Variants in WWC2 observed in about 807,000 individuals in gnomAD.
WWC2 encodes the protein WW and C2 domain containing 2, also known as protein WWC2.
A neutral mutation model predicts 138.5 loss-of-function variants in WWC2; 101 were observed. The observed-to-expected ratio is 0.73, with a 90% confidence interval of 0.62 to 0.86. The LOEUF is 0.86. Among genes scored for constraint, WWC2 ranks in the 40% least tolerant of loss-of-function variants. The pLI, the probability that WWC2 is intolerant of heterozygous loss-of-function variation, is 0.00. For missense variants in WWC2, 1,420 were observed against 1,419.4 expected, an observed-to-expected ratio of 1.00 and a Z score of -0.01; for synonymous variants, 558 against 538.4, an observed-to-expected ratio of 1.04 and a Z score of -0.50.
intron 1 of WWC2, among the ~76,000 whole-genome samples, chr4:183,167,969 C>T (rs1734170648): frequency 6.6e-6 from 1 of 151,392 alleles, no homozygotes; most frequent in South Asian, 2.1e-4. Flanking sequence ...GATTCTCCTG[C>T]CTCAGCCTCC....
rs1278383432 is a variant in WWC2, at chr4:183,260,801, A to G, written c.1287-109A>G. The G allele has an allele frequency of 5.6e-6, 8 of 1,416,076 alleles. No individual in the cohort carries two copies. In the East Asian group the frequency reaches 1.7e-4, roughly 30 times the overall value. 87.7% of individuals were successfully genotyped at this position (1,416,076 alleles called of 1,614,324 possible). A position where few individuals can be genotyped will look rare whatever the true frequency, so the allele number is the denominator to read the frequency against. On this transcript the variant is annotated intron_variant, in intron 10 of 22. Transcript: ENST00000403733. ...TCCTCTGTCCCTGGCCATTGATTCC[A>G]TTCTTTAGCAGGTTTCTTCCCTCTG...
intron 21 of WWC2, among the ~76,000 whole-genome samples, chr4:183,306,880 G>GGAAAAAAAAAA (rs1739038205): frequency 3.6e-5 from 1 of 27,572 alleles, no homozygotes; most frequent in African/African-American, 1.1e-4. Context: ...TATATATGAG[G>GGAAAAAAAAAA]CAAAAAAAAA....
intron 1 of WWC2, among the ~76,000 whole-genome samples, chr4:183,113,322 T>C (rs1222639269): frequency 6.6e-6 from 1 of 151,756 alleles, no homozygotes; most frequent in East Asian, 2.0e-4. Context: ...AGTATTAGGT[T>C]GGTGCAAAAG....
intron 21 of WWC2, among the ~76,000 whole-genome samples, chr4:183,306,431 A>G (rs2111110557): frequency 6.6e-6 from 1 of 152,362 alleles, no homozygotes; most frequent in Non-Finnish European, 1.5e-5. Flanking sequence ...AGACAATGCT[A>G]ATACTAATCA....
chr4:183,202,178 C>T (rs1041746598), intron 2 of WWC2, among the ~76,000 whole-genome samples: 2 of 151,990 alleles, frequency 1.3e-5, no homozygotes, highest in African/African-American at 4.8e-5. Flanking sequence ...CTCTAGTTGT[C>T]CAGTATCTTC....
intron 1 of WWC2, among the ~76,000 whole-genome samples, chr4:183,111,537 G>A (rs72691674): frequency 0.032 from 4,875 of 152,054 alleles, 95 homozygotes; most frequent in South Asian, 0.044. Context: ...TGTGGAATCT[G>A]CTTTGTACAT....
intron 20 of WWC2, among the ~76,000 whole-genome samples, chr4:183,287,559 T>C (rs1738301277): frequency 1.3e-5 from 2 of 152,172 alleles, no homozygotes; most frequent in South Asian, 2.1e-4. Context: ...CTGAAGCATA[T>C]GTAGGAGATG....
chr4:183,263,205 C>T (rs561937252), intron 11 of WWC2, among the ~76,000 whole-genome samples: 6 of 152,326 alleles, frequency 3.9e-5, no homozygotes, highest in Admixed American at 3.9e-4. Flanking sequence ...GGTAGTTTTG[C>T]TCTTCCTGTA....
At chr4:183,230,485 T>A (rs548967220) in intron 4 of WWC2, among the ~76,000 whole-genome samples, 4 of 152,346 alleles carry the variant, frequency 2.6e-5, no homozygotes, top group Admixed American at 2.6e-4. Flanking sequence ...GAGACCGGCC[T>A]GACCAATATG....
At chr4:183,160,601 C>T (rs770030874) in intron 1 of WWC2, among the ~76,000 whole-genome samples, 8 of 151,890 alleles carry the variant, frequency 5.3e-5, no homozygotes, top group Non-Finnish European at 8.8e-5. Context: ...GATTGAAGAC[C>T]GTTTAAAAAA....
chr4:183,195,638 CA>C (rs2111215279), intron 2 of WWC2, among the ~76,000 whole-genome samples: 1 of 152,290 alleles, frequency 6.6e-6, no homozygotes, highest in South Asian at 2.1e-4. Flanking sequence ...ACTCTCAAAA[CA>C]AAACCAAAAC....
At position 183,220,758 on chromosome 4, in the gene WWC2, C is replaced by T. The variant is rs189242116; in HGVS notation, c.522+11733C>T. 5.2e-3 allele frequency among the ~76,000 whole-genome samples: 794 copies of T among 151,484 alleles called. 7 individuals are homozygous for T. The highest frequency in any genetic ancestry group is 0.019 in the African/African-American group (777 of 41,282). On this transcript the variant is annotated intron_variant, in intron 4 of 22. Transcript: ENST00000403733. ...CTGAGCCAGGAGAATGGCGTGAACC[C>T]GGGAGGCGGAGCTTGCAGTGAGCCA... is the stretch of plus-strand genomic sequence containing the variant.
rs902616975 is a variant in WWC2, at chr4:183,099,307, G to C, written c.-185G>C. 4 of 425,142 alleles carry C rather than the reference G, an allele frequency of 9.4e-6. No homozygotes were observed. The highest frequency in any genetic ancestry group is 8.5e-5 in the African/African-American group (4 of 47,074). The allele number at this position is 425,142 out of a possible 1,614,324, so 26.3% of individuals were successfully genotyped here. A position where few individuals can be genotyped will look rare whatever the true frequency, so the allele number is the denominator to read the frequency against. On this transcript the variant is annotated 5_prime_UTR_variant, in exon 1 of 23. Coordinates refer to ENST00000403733, the MANE Select transcript of WWC2 (RefSeq NM_024949.6). ...GACATGGTGGACTGATCCGCAGCGG[G>C]GCCGCGAACAGCGTTTCCTGAGGCA...
At chr4:183,103,638 CT>C (rs576659490) in intron 1 of WWC2, among the ~76,000 whole-genome samples, 6,807 of 120,232 alleles carry the variant, frequency 0.057, 173 homozygotes, top group African/African-American at 0.094. Context: ...TTGTGTTTCT[CT>C]TTTTTTTTTT....
At chr4:183,305,944 T>C (rs1424858118) in intron 21 of WWC2, among the ~76,000 whole-genome samples, 1 of 152,176 alleles carries the variant, frequency 6.6e-6, no homozygotes, top group African/African-American at 2.4e-5. Flanking sequence ...GTGTGTATGC[T>C]TACGTATAAG....
At chr4:183,111,839 G>T (rs962166541) in intron 1 of WWC2, among the ~76,000 whole-genome samples, 7 of 151,622 alleles carry the variant, frequency 4.6e-5, no homozygotes, top group African/African-American at 7.3e-5. Context: ...GGACTACAGG[G>T]GTGCGGCACA....
intron 4 of WWC2, among the ~76,000 whole-genome samples, chr4:183,220,652 G>A (rs1165795411): frequency 6.6e-6 from 1 of 151,844 alleles, no homozygotes; most frequent in Non-Finnish European, 1.5e-5. Flanking sequence ...GGCTAACACA[G>A]TGAAACGCCA....
At chr4:183,250,262 G>A (rs547505240) in intron 8 of WWC2, among the ~76,000 whole-genome samples, 2 of 145,222 alleles carry the variant, frequency 1.4e-5, no homozygotes, top group Admixed American at 7.4e-5. Flanking sequence ...GAAAAAAGAA[G>A]CTTTGAGTTG....
intron 1 of WWC2, among the ~76,000 whole-genome samples, chr4:183,119,671 TTAAGA>T (rs1392972273): frequency 6.6e-6 from 1 of 152,210 alleles, no homozygotes. Context: ...TTTTTTTTGG[TTAAGA>T]TGTCAGTTTT....
Sources: allele counts gnomAD v4.1 joint callset (sites outside exome capture counted in the v4.1 genomes callset), GRCh38; gene constraint gnomAD v4.1.1; transcripts MANE v1.5; gene names NCBI Gene and HGNC (gene_info 2026-07-23, HGNC 2026-07-21).